Variants in CFAP299 observed in about 807,000 individuals in gnomAD.
CFAP299 encodes cilia and flagella associated protein 299.
A neutral mutation model predicts 27.0 loss-of-function variants in CFAP299; 21 were observed. The ratio of observed to expected loss-of-function variants is 0.78; its 90% CI spans 0.55 to 1.12. CFAP299 has a LOEUF of 1.12. Ranked by LOEUF, CFAP299 falls within the 50% of genes most tolerant of loss-of-function variation. The pLI, the probability that CFAP299 is intolerant of heterozygous loss-of-function variation, is 0.00. For missense variants in CFAP299, 310 were observed against 276.6 expected, an observed-to-expected ratio of 1.12 and a Z score of -0.86; for synonymous variants, 104 against 98.1, an observed-to-expected ratio of 1.06 and a Z score of -0.36.
intron 2 of CFAP299, among the ~76,000 whole-genome samples, chr4:80,510,385 T>C (rs1334468856): frequency 2.6e-5 from 4 of 152,142 alleles, no homozygotes; most frequent in Non-Finnish European, 5.9e-5. Flanking sequence ...CTCCAGAGAA[T>C]TGTGGTGTTA....
chr4:80,720,424 T>C (rs1237566507), intron 3 of CFAP299, among the ~76,000 whole-genome samples: 4 of 152,148 alleles, frequency 2.6e-5, no homozygotes, highest in Non-Finnish European at 5.9e-5. Flanking sequence ...TAGCCCCACC[T>C]AACAAACCTT....
intron 2 of CFAP299, among the ~76,000 whole-genome samples, chr4:80,552,950 A>G (rs1401824883): frequency 6.6e-6 from 1 of 151,918 alleles, no homozygotes; most frequent in Non-Finnish European, 1.5e-5. Context: ...GGCCTCCTTA[A>G]GTGCTGAAAT....
chr4:80,641,756 A>G (rs1456011167), intron 3 of CFAP299, among the ~76,000 whole-genome samples: 12 of 152,318 alleles, frequency 7.9e-5, no homozygotes, highest in African/African-American at 2.6e-4. Context: ...AGTGAGCATT[A>G]TTTGGCCACA....
intron 2 of CFAP299, among the ~76,000 whole-genome samples, chr4:80,420,920 A>T (rs1320347849): frequency 6.6e-6 from 1 of 152,084 alleles, no homozygotes; most frequent in East Asian, 1.9e-4. Context: ...AAAATTGCTC[A>T]CTGTGCTGCA....
chr4:80,918,797 A>G (rs1169504331), intron 4 of CFAP299, among the ~76,000 whole-genome samples: 1 of 152,110 alleles, frequency 6.6e-6, no homozygotes, highest in East Asian at 1.9e-4. Context: ...AGAGAGGCTG[A>G]TGAAATGTGA....
intron 3 of CFAP299, among the ~76,000 whole-genome samples, chr4:80,615,595 T>G (rs181007955): frequency 2.0e-5 from 3 of 152,066 alleles, no homozygotes; most frequent in Admixed American, 2.0e-4. Context: ...TTCAGTGGCA[T>G]GATCATAGCT....
intron 2 of CFAP299, among the ~76,000 whole-genome samples, chr4:80,415,507 A>T (rs1726953681): frequency 6.6e-6 from 1 of 152,124 alleles, no homozygotes; most frequent in Admixed American, 6.6e-5. Context: ...TCTGGTTGCT[A>T]AAATAGTAGT....
intron 2 of CFAP299, among the ~76,000 whole-genome samples, chr4:80,582,433 A>T (rs1736219573): frequency 1.3e-5 from 2 of 151,914 alleles, no homozygotes; most frequent in South Asian, 4.1e-4. Context: ...ATAATGAAAA[A>T]GTTTGTGGAA....
At chr4:80,879,648 C>T in intron 4 of CFAP299, among the ~76,000 whole-genome samples, 1 of 151,918 alleles carries the variant, frequency 6.6e-6, no homozygotes, top group East Asian at 1.9e-4. Context: ...TTATTTTTTA[C>T]ATATTATTTT....
chr4:80,946,921 G>A (rs1228290921), intron 5 of CFAP299, among the ~76,000 whole-genome samples: 2 of 152,160 alleles, frequency 1.3e-5, no homozygotes, highest in Admixed American at 6.5e-5. Context: ...GAATGCTCTT[G>A]TTAAGATGTG....
intron 2 of CFAP299, among the ~76,000 whole-genome samples, chr4:80,429,426 A>C (rs1292489721): frequency 6.6e-6 from 1 of 152,128 alleles, no homozygotes; most frequent in East Asian, 1.9e-4. Context: ...ACTTTCCAGA[A>C]ATGTTTCTCC....
intron 2 of CFAP299, among the ~76,000 whole-genome samples, chr4:80,376,537 T>C (rs1247940692): frequency 1.3e-5 from 2 of 152,202 alleles, no homozygotes; most frequent in African/African-American, 4.8e-5. Context: ...CTTAGCAAGG[T>C]GTTAGAGTCC....
chr4:80,510,069 G>C (rs1362786861), intron 2 of CFAP299, among the ~76,000 whole-genome samples: 1 of 152,028 alleles, frequency 6.6e-6, no homozygotes, highest in African/African-American at 2.4e-5. Context: ...TTAATAATTT[G>C]AACATGGCAC....
At chr4:80,940,593 G>A (rs931010221) in intron 4 of CFAP299, among the ~76,000 whole-genome samples, 1 of 152,176 alleles carries the variant, frequency 6.6e-6, no homozygotes, top group South Asian at 2.1e-4. Context: ...TAAAATCGCT[G>A]TTGCTGTAGG....
intron 3 of CFAP299, among the ~76,000 whole-genome samples, chr4:80,766,137 T>A (rs1163771969): frequency 6.6e-6 from 1 of 152,018 alleles, no homozygotes; most frequent in Admixed American, 6.5e-5. Context: ...TTAGTGAAAA[T>A]GTATAACACC....
rs868843600 is a variant in CFAP299, at chr4:80,888,700, A to G, written c.476+18565A>G. 2.0e-5 allele frequency among the ~76,000 whole-genome samples: 3 copies of G among 152,206 alleles called. No individual in the cohort carries two copies. In the South Asian group the frequency reaches 6.2e-4, roughly 32 times the overall value. Reference sequence around the variant, plus strand: ...CTCCTCCTCTCATGGATCATTCTCAAGAATAGACCATATGTTAGGTCACAA... The same window carrying G: ...CTCCTCCTCTCATGGATCATTCTCAGGAATAGACCATATGTTAGGTCACAA... On this transcript the variant is annotated intron_variant, in intron 4 of 5. Transcript: ENST00000358105.
At chr4:80,880,738 A>T (rs1219236552) in intron 4 of CFAP299, among the ~76,000 whole-genome samples, 3 of 151,332 alleles carry the variant, frequency 2.0e-5, no homozygotes, top group African/African-American at 7.3e-5. Flanking sequence ...AAAATAAAAT[A>T]AAATAAAATA....
intron 3 of CFAP299, among the ~76,000 whole-genome samples, chr4:80,692,808 G>T (rs1394008977): frequency 1.3e-5 from 2 of 152,152 alleles, no homozygotes; most frequent in African/African-American, 2.4e-5. Context: ...CTGACAAAGG[G>T]CTGATATCCA....
At chr4:80,889,859 A>T (rs1388687721) in intron 4 of CFAP299, among the ~76,000 whole-genome samples, 1 of 152,164 alleles carries the variant, frequency 6.6e-6, no homozygotes, top group Non-Finnish European at 1.5e-5. Context: ...TATCAACAGA[A>T]TGAAGGACAA....
Sources: gnomAD v4.1 joint callset for allele counts (sites outside exome capture counted in the v4.1 genomes callset) on GRCh38, gnomAD v4.1.1 for gene constraint, MANE v1.5 for transcripts, NCBI Gene and HGNC (gene_info 2026-07-23, HGNC 2026-07-21) for gene names.